The following CCP110 variants were observed in gnomAD, a reference collection of about 807,000 sequenced individuals.
The protein encoded by CCP110 is centriolar coiled-coil protein 110.
CCP110 carries 43 observed loss-of-function variants against 105.5 expected under a neutral mutation model. The ratio of observed to expected loss-of-function variants is 0.41; its 90% confidence interval spans 0.32 to 0.53. CCP110 has a LOEUF of 0.53. Ranked by LOEUF, CCP110 falls within the 20% of genes least tolerant of loss-of-function variation. The pLI is 0.32. For missense variants in CCP110, 1,016 were observed against 1,189.1 expected (o/e 0.85, Z 2.14); for synonymous variants, 353 against 392.1 (o/e 0.90, Z 1.18).
At chr16:19,524,502 A>T (rs1040693612) in intron 1 of CCP110, among the ~76,000 whole-genome samples, 4 of 152,048 alleles carry the variant, frequency 2.6e-5, no homozygotes, top group African/African-American at 7.2e-5. Flanking sequence ...CGGGGTGTGC[A>T]TTGGCCATTT....
chr16:19,550,447 C>T (rs1970601059), intron 14 of CCP110, among the ~76,000 whole-genome samples: 1 of 152,188 alleles, frequency 6.6e-6, no homozygotes, highest in Non-Finnish European at 1.5e-5. Context: ...GCCACCGCGT[C>T]CAGCCAGAAT....
exon 3 of CCP110, chr16:19,532,440 A>G: frequency 6.2e-7 from 1 of 1,602,454 alleles, no homozygotes; most frequent in South Asian, 1.1e-5. Flanking sequence ...AAGAAAGGAA[A>G]TGCAACAAGA....
At chr16:19,549,391 T>C (rs1970562547) in intron 14 of CCP110, among the ~76,000 whole-genome samples, 1 of 152,216 alleles carries the variant, frequency 6.6e-6, no homozygotes, top group Non-Finnish European at 1.5e-5. Context: ...TCCATTAATA[T>C]ACAATTAGGC....
At chr16:19,538,557 G>A (rs1426453589) in intron 4 of CCP110, among the ~76,000 whole-genome samples, 3 of 151,526 alleles carry the variant, frequency 2.0e-5, no homozygotes, top group Non-Finnish European at 2.9e-5. Flanking sequence ...CGATCCACCC[G>A]CCTCAGCCTC....
intron 12 of CCP110, chr16:19,547,695 A>T (rs376957105): frequency 3.2e-6 from 1 of 313,170 alleles, no homozygotes; most frequent in Non-Finnish European, 5.8e-6. Flanking sequence ...TAAGAAAATT[A>T]TCTAAAAGCA....
At chr16:19,537,142 A>G in exon 4 of CCP110, 1 of 1,614,236 alleles carries the variant, frequency 6.2e-7, no homozygotes, top group Non-Finnish European at 8.5e-7. Context: ...AGAGAGGCGC[A>G]CACATAATGA....
chr16:19,552,076 T>G (rs1970657951), exon 15 of CCP110: 3 of 152,226 alleles, frequency 2.0e-5, no homozygotes, highest in Admixed American at 6.5e-5. Flanking sequence ...TATATTTTGT[T>G]CTTCATAGTC....
chr16:19,534,530 A>G (rs923488901), intron 3 of CCP110, among the ~76,000 whole-genome samples: 1 of 152,190 alleles, frequency 6.6e-6, no homozygotes, highest in South Asian at 2.1e-4. Context: ...AATGTGAAAT[A>G]TTTTACGTAA....
intron 1 of CCP110, chr16:19,525,708 CTT>C (rs1205568404): frequency 6.6e-6 from 1 of 152,418 alleles, no homozygotes; most frequent in Non-Finnish European, 1.5e-5. Context: ...TTATTCAATA[CTT>C]TTATCAAGTG....
At chr16:19,536,491 A>C (rs1429756391) in exon 4 of CCP110, 2 of 1,613,980 alleles carry the variant, frequency 1.2e-6, no homozygotes, top group African/African-American at 2.7e-5. Context: ...CTGACTGTGT[A>C]AAAGAGAAAG....
chr16:19,537,976 C>T (rs1970135785), intron 4 of CCP110, among the ~76,000 whole-genome samples: 2 of 152,196 alleles, frequency 1.3e-5, no homozygotes, highest in African/African-American at 4.8e-5. Context: ...GTTGCCCAAG[C>T]TGGTCTCAAA....
chr16:19,538,299 G>GTTTTTTT (rs1555491002), intron 4 of CCP110, among the ~76,000 whole-genome samples: 25 of 86,830 alleles, frequency 2.9e-4, no homozygotes, highest in African/African-American at 1.0e-3. Flanking sequence ...GGAGGAAACA[G>GTTTTTTT]TTCTTTTTTT....
chr16:19,534,492 A>T (rs150260611), intron 3 of CCP110, among the ~76,000 whole-genome samples: 252 of 152,340 alleles, frequency 1.7e-3, no homozygotes, highest in African/African-American at 5.9e-3. Context: ...TTAGTGACGT[A>T]TAAACAACAT....
At chr16:19,539,356 T>C (rs1210616727) in intron 4 of CCP110, among the ~76,000 whole-genome samples, 2 of 99,752 alleles carry the variant, frequency 2.0e-5, no homozygotes, top group Admixed American at 1.2e-4. Context: ...CCTGTGCAAC[T>C]TTTTTTTTTT....
chr16:19,541,349 T>C (rs562525468), intron 5 of CCP110, among the ~76,000 whole-genome samples: 1 of 152,180 alleles, frequency 6.6e-6, no homozygotes, highest in Admixed American at 6.5e-5. Context: ...TATTAAATTA[T>C]AGCCTGGGCG....
chr16:19,546,934 C>G (rs903621408), intron 12 of CCP110: 5 of 155,914 alleles, frequency 3.2e-5, no homozygotes, highest in African/African-American at 1.2e-4. Flanking sequence ...CGGGGGTCGT[C>G]CTCAGGCTCA....
At chr16:19,550,182 T>C (rs2240016) in intron 14 of CCP110, among the ~76,000 whole-genome samples, 55,190 of 151,014 alleles carry the variant, frequency 0.37, 11,612 homozygotes, top group East Asian at 0.56. Context: ...GACAGAGTCT[T>C]GTTCTGTTGC....
chr16:19,544,298 G>A (rs1046083360), intron 8 of CCP110, among the ~76,000 whole-genome samples: 3 of 152,170 alleles, frequency 2.0e-5, no homozygotes, highest in African/African-American at 7.2e-5. Flanking sequence ...AGCAGTTTGT[G>A]TGTTTTTGAC....
chr16:19,539,184 C>T (rs1298685067), intron 4 of CCP110, among the ~76,000 whole-genome samples: 2 of 151,398 alleles, frequency 1.3e-5, no homozygotes, highest in Non-Finnish European at 2.9e-5. Flanking sequence ...CTGTTGTATC[C>T]ATTAACAGCA....
Sources: allele counts gnomAD v4.1 joint callset (sites outside exome capture counted in the v4.1 genomes callset), GRCh38; gene constraint gnomAD v4.1.1; transcripts MANE v1.5; gene names NCBI Gene and HGNC (gene_info 2026-07-23, HGNC 2026-07-21).